The following INSC variants were observed in gnomAD, a reference collection of about 807,000 sequenced individuals.
INSC encodes INSC spindle orientation adaptor protein.
In INSC, 67 loss-of-function variants were observed where a neutral mutation model predicts 58.6. The ratio of observed to expected loss-of-function variants is 1.14; its 90% CI spans 0.94 to 1.40. INSC has a LOEUF of 1.40. Among genes scored for constraint, INSC ranks in the 40% most tolerant of loss-of-function variants. The pLI, the probability that INSC is intolerant of heterozygous loss-of-function variation, is 0.00. For synonymous variants in INSC, 262 were observed against 276.1 expected (o/e 0.95, Z 0.51); for missense variants, 714 against 692.0 (o/e 1.03, Z -0.36).
Position 15,240,453 on chromosome 11 carries a change from C to T in INSC, c.1400C>T (p.Ser467Phe). 1.2e-6 allele frequency: 2 copies of T among 1,613,798 alleles called. No individual in the cohort carries two copies. The highest frequency in any genetic ancestry group is 1.7e-6 in the Non-Finnish European group (2 of 1,179,848). ...AREAVRLSCMSRLIELCRSPS... is the reference protein window; with the variant it reads ...AREAVRLSCMFRLIELCRSPS... The stretch of plus-strand genomic sequence containing the variant: ...CTCCCTGTGTCTCCTACAGGCATGT[C>T]CCGTCTCATCGAGCTCTGCAGATCC... The change falls in exon 12 of 13, where the codon TCC (serine) becomes TTC (phenylalanine). Residue 467 changes from serine to phenylalanine, a missense_variant. Physicochemically the swap from Ser to Phe is radical, Grantham distance 155. Coordinates refer to ENST00000379556, the MANE Select transcript of INSC (RefSeq NM_001042536.3).
At chr11:15,177,273 T>C in intron 4 of INSC, 110 bp downstream of exon 4, 1 of 813,380 alleles carries the variant, frequency 1.2e-6, no homozygotes, top group East Asian at 2.4e-5. Context: ...GTGGTGGTGG[T>C]TTCAGAGTTT....
At chr11:15,234,597 C>A (rs1054715675) in intron 9 of INSC, among the ~76,000 whole-genome samples, 1 of 152,146 alleles carries the variant, frequency 6.6e-6, no homozygotes, top group Non-Finnish European at 1.5e-5. Context: ...TTTGAAGAAA[C>A]CTTTCGAGAG....
At chr11:15,132,565 G>A (rs1254009625) in intron 1 of INSC, among the ~76,000 whole-genome samples, 7 of 152,272 alleles carry the variant, frequency 4.6e-5, no homozygotes, top group Middle Eastern at 3.4e-3. Flanking sequence ...GGAATTACAG[G>A]CATGAGTCAA....
At chr11:15,148,321 G>C (rs965408836) in intron 1 of INSC, among the ~76,000 whole-genome samples, 14 of 152,204 alleles carry the variant, frequency 9.2e-5, no homozygotes, top group Non-Finnish European at 2.9e-5. Context: ...TGATTCAGTG[G>C]CTTAGTGATC....
intron 12 of INSC, among the ~76,000 whole-genome samples, chr11:15,244,673 G>T (rs1852491832): frequency 6.6e-6 from 1 of 152,174 alleles, no homozygotes; most frequent in Non-Finnish European, 1.5e-5. Context: ...CCAAAAGGGA[G>T]ATCATGACAC....
chr11:15,211,491 T>C (rs943468386), intron 7 of INSC, among the ~76,000 whole-genome samples: 1 of 152,234 alleles, frequency 6.6e-6, no homozygotes, highest in Admixed American at 6.5e-5. Context: ...TAGGTTTTTT[T>C]ATTCTCTTAA....
intron 2 of INSC, among the ~76,000 whole-genome samples, chr11:15,153,562 G>A (rs1359659230): frequency 6.6e-6 from 1 of 152,212 alleles, no homozygotes; most frequent in African/African-American, 2.4e-5. Context: ...TGTTGTTTAA[G>A]CTGAAAAGAA....
At chr11:15,126,272 C>T (rs183807185) in intron 1 of INSC, among the ~76,000 whole-genome samples, 106 of 152,254 alleles carry the variant, frequency 7.0e-4, no homozygotes, top group African/African-American at 2.5e-3. Context: ...AATGCTGAGG[C>T]TAGGAGTACT....
intron 1 of INSC, among the ~76,000 whole-genome samples, chr11:15,136,512 A>T (rs992720626): frequency 6.6e-6 from 1 of 152,182 alleles, no homozygotes; most frequent in Non-Finnish European, 1.5e-5. Flanking sequence ...ACTTCTTTCA[A>T]AATTGGAGTT....
chr11:15,129,798 T>C (rs1848083878), intron 1 of INSC, among the ~76,000 whole-genome samples: 1 of 152,218 alleles, frequency 6.6e-6, no homozygotes, highest in Non-Finnish European at 1.5e-5. Context: ...ACATAGAGAA[T>C]GAGGATGAAT....
intron 1 of INSC, among the ~76,000 whole-genome samples, chr11:15,127,945 A>C (rs1471364359): frequency 6.6e-6 from 1 of 152,092 alleles, no homozygotes; most frequent in Non-Finnish European, 1.5e-5. Flanking sequence ...CAGTGAGCCG[A>C]GATCGTGCCG....
At chr11:15,135,701 G>A (rs1848229106) in intron 1 of INSC, among the ~76,000 whole-genome samples, 1 of 152,184 alleles carries the variant, frequency 6.6e-6, no homozygotes, top group Admixed American at 6.5e-5. Context: ...CACAGAAAAT[G>A]TCTTAGTGTT....
the INSC span, among the ~76,000 whole-genome samples, chr11:15,260,618 G>A: frequency 0.76 from 115,445 of 152,128 alleles, 43,936 homozygotes; most frequent in Middle Eastern, 0.84. Context: ...TACAAAACAA[G>A]ATGCAACTTA....
At chr11:15,191,519 C>A (rs531837830) in intron 6 of INSC, among the ~76,000 whole-genome samples, 3 of 152,074 alleles carry the variant, frequency 2.0e-5, no homozygotes, top group Non-Finnish European at 4.4e-5. Flanking sequence ...TTTGGGTGAT[C>A]GATTGACCTT....
At chr11:15,168,041 G>A (rs1489546107) in intron 2 of INSC, among the ~76,000 whole-genome samples, 1 of 152,106 alleles carries the variant, frequency 6.6e-6, no homozygotes, top group African/African-American at 2.4e-5. Flanking sequence ...TGTTGCTTGG[G>A]CAAATGGTCC....
At chr11:15,163,629 G>A (rs1483259915) in intron 2 of INSC, among the ~76,000 whole-genome samples, 15 of 151,894 alleles carry the variant, frequency 9.9e-5, no homozygotes, top group Admixed American at 9.2e-4. Flanking sequence ...TTGCTCTGTC[G>A]CCCAGGCTGA....
chr11:15,201,481 G>A (rs1850590596), intron 7 of INSC, among the ~76,000 whole-genome samples: 1 of 152,178 alleles, frequency 6.6e-6, no homozygotes, highest in African/African-American at 2.4e-5. Flanking sequence ...TGGGAGTAGG[G>A]TAGGGTTAGA....
intron 1 of INSC, among the ~76,000 whole-genome samples, chr11:15,142,896 G>A (rs1848406075): frequency 6.6e-6 from 1 of 151,806 alleles, no homozygotes; most frequent in Non-Finnish European, 1.5e-5. Flanking sequence ...GTGCCATGTT[G>A]GTGTAGAGCG....
intron 7 of INSC, among the ~76,000 whole-genome samples, chr11:15,207,448 C>G (rs939051): frequency 0.25 from 37,951 of 152,100 alleles, 5,612 homozygotes; most frequent in East Asian, 0.73. Context: ...AGAAAATCAC[C>G]AAGGGCAAGA....
Sources: allele counts gnomAD v4.1 joint callset (sites outside exome capture counted in the v4.1 genomes callset), GRCh38; gene constraint gnomAD v4.1.1; transcripts MANE v1.5; gene names NCBI Gene and HGNC (gene_info 2026-07-23, HGNC 2026-07-21).